The following TRAPPC9 variants were observed in gnomAD, a reference collection of about 807,000 sequenced individuals.
The protein encoded by TRAPPC9 is trafficking protein particle complex subunit 9, also known as IKK2 binding protein.
TRAPPC9 carries 83 observed loss-of-function variants against 124.0 expected under a neutral mutation model. The observed-to-expected ratio is 0.67, with a 90% CI of 0.56 to 0.80. TRAPPC9 has a LOEUF of 0.80. TRAPPC9 is among the 30% of genes least tolerant of loss of function. TRAPPC9 has a pLI of 0.00. For synonymous variants in TRAPPC9, 638 were observed against 617.5 expected, an observed-to-expected ratio of 1.03 and a Z score of -0.49; for missense variants, 1,302 against 1,508.3, an observed-to-expected ratio of 0.86 and a Z score of 2.27.
intron 21 of TRAPPC9, among the ~76,000 whole-genome samples, chr8:139,844,953 C>T (rs917578880): frequency 6.6e-6 from 1 of 152,104 alleles, no homozygotes; most frequent in East Asian, 1.9e-4. Flanking sequence ...TGGCACATCC[C>T]GTGTCAGCAG....
chr8:140,034,501 C>G (rs912140000), intron 17 of TRAPPC9, among the ~76,000 whole-genome samples: 10 of 152,198 alleles, frequency 6.6e-5, no homozygotes, highest in African/African-American at 2.4e-5. Context: ...TCTGACTTAC[C>G]ACGCTGCAGC....
At chr8:140,458,137 A>T, upstream of TRAPPC9, 1 of 1,427,656 alleles carries the variant, frequency 7.0e-7, no homozygotes, top group Non-Finnish European at 9.4e-7. Flanking sequence ...AGGGAGGAAG[A>T]GGAGGAGGGA....
intron 19 of TRAPPC9, chr8:139,932,342 G>C: frequency 2.2e-6 from 1 of 457,888 alleles, no homozygotes; most frequent in South Asian, 1.5e-5. Flanking sequence ...CCTTGGCCAC[G>C]GGACCTGAGC....
At chr8:139,964,687 G>T (rs1835583706) in intron 19 of TRAPPC9, among the ~76,000 whole-genome samples, 1 of 129,346 alleles carries the variant, frequency 7.7e-6, no homozygotes. Context: ...AGATGATAAA[G>T]CCTAGTTATT....
intron 17 of TRAPPC9, among the ~76,000 whole-genome samples, chr8:140,174,541 T>C (rs1037625797): frequency 6.6e-6 from 1 of 152,144 alleles, no homozygotes; most frequent in South Asian, 2.1e-4. Flanking sequence ...AAAGAAATCA[T>C]GTACCCATTA....
chr8:140,235,963 GGA>G (rs1491124629), intron 16 of TRAPPC9, among the ~76,000 whole-genome samples: 3 of 151,028 alleles, frequency 2.0e-5, no homozygotes, highest in Non-Finnish European at 2.9e-5. Flanking sequence ...GGAGGAAGAA[GGA>G]AAAAAACAAG....
At chr8:140,311,004 C>T (rs1351116361) in intron 10 of TRAPPC9, among the ~76,000 whole-genome samples, 3 of 152,074 alleles carry the variant, frequency 2.0e-5, no homozygotes, top group African/African-American at 7.2e-5. Flanking sequence ...TGGGTGCAGA[C>T]GTGACTCCGC....
At chr8:140,007,273 C>T (rs1295639927) in intron 18 of TRAPPC9, among the ~76,000 whole-genome samples, 2 of 152,186 alleles carry the variant, frequency 1.3e-5, no homozygotes, top group Non-Finnish European at 2.9e-5. Context: ...TGCAATTGTG[C>T]CTCCGGGTGA....
At chr8:140,361,262 G>A (rs191395204) in intron 8 of TRAPPC9, among the ~76,000 whole-genome samples, 27 of 152,326 alleles carry the variant, frequency 1.8e-4, no homozygotes, top group Admixed American at 1.4e-3. Context: ...GCAGGTTCTC[G>A]TGCCATTGAC....
intron 18 of TRAPPC9, among the ~76,000 whole-genome samples, chr8:140,023,399 T>C (rs2131918227): frequency 6.6e-6 from 1 of 152,324 alleles, no homozygotes; most frequent in African/African-American, 2.4e-5. Context: ...TCTTTCTCCC[T>C]GAAGGAAGAT....
chr8:140,053,310 G>A (rs994905309), intron 17 of TRAPPC9, among the ~76,000 whole-genome samples: 7 of 152,220 alleles, frequency 4.6e-5, no homozygotes, highest in African/African-American at 1.7e-4. Context: ...ACCAGGATGA[G>A]GCTGACCCAA....
intron 19 of TRAPPC9, among the ~76,000 whole-genome samples, chr8:139,956,574 A>G (rs1367040107): frequency 6.6e-6 from 1 of 152,220 alleles, no homozygotes; most frequent in African/African-American, 2.4e-5. Context: ...TGTCTCGTAC[A>G]TGGCAAATGC....
chr8:140,273,147 C>A (rs72690660), intron 15 of TRAPPC9, among the ~76,000 whole-genome samples: 1 of 152,210 alleles, frequency 6.6e-6, no homozygotes, highest in African/African-American at 2.4e-5. Context: ...GCACCGGAGC[C>A]GGGACACTCC....
chr8:139,919,489 T>C (rs150730251), intron 19 of TRAPPC9, among the ~76,000 whole-genome samples: 163 of 152,304 alleles, frequency 1.1e-3, no homozygotes, highest in African/African-American at 3.7e-3. Flanking sequence ...GTAAATTGCA[T>C]TGTGTGCAAA....
chr8:140,327,313 G>T (rs1482461543), intron 9 of TRAPPC9, among the ~76,000 whole-genome samples: 11 of 152,166 alleles, frequency 7.2e-5, no homozygotes, highest in Non-Finnish European at 1.6e-4. Flanking sequence ...TGGAAGGAAT[G>T]TAAAATAGTA....
rs183774844 is a variant in TRAPPC9, at chr8:140,257,335, C to T, written c.2279-4406G>A. Among the ~76,000 whole-genome samples the T allele has an allele frequency of 2.6e-4, 39 of 152,342 alleles. No homozygotes were observed. The highest frequency in any genetic ancestry group is 8.3e-4 in the South Asian group (4 of 4,830). The stretch of plus-strand genomic sequence containing the variant: ...GAACGCAGTTGCTGCCTCTTCTCCA[C>T]GCAGCAGTGCTGGCACTGGCCTGGG... On this transcript the variant is annotated intron_variant, in intron 15 of 22. Coordinates refer to ENST00000438773, the MANE Select transcript of TRAPPC9 (RefSeq NM_001160372.4). This position sits in a 1 kb window ranked among gnomAD's most constrained non-coding sequence, Gnocchi z 4.6.
chr8:140,054,106 G>C (rs1307706743), intron 17 of TRAPPC9, among the ~76,000 whole-genome samples: 1 of 152,188 alleles, frequency 6.6e-6, no homozygotes, highest in African/African-American at 2.4e-5. Flanking sequence ...TCACTTAAAA[G>C]TGGAAGCTAA....
At position 140,097,411 on chromosome 8, in the gene TRAPPC9, G is replaced by A. The variant is rs945247111; in HGVS notation, c.2557-73332C>T. 6.6e-6 allele frequency: 1 copy of A among 152,208 alleles called. No individual in the cohort carries two copies. The highest frequency in any genetic ancestry group is 1.5e-5 in the Non-Finnish European group (1 of 68,090). 9.4% of individuals were successfully genotyped at this position (152,208 alleles called of 1,614,324 possible). A position where few individuals can be genotyped will look rare whatever the true frequency, so the allele number is the denominator to read the frequency against. On this transcript the variant is annotated intron_variant, in intron 17 of 22. Transcript: ENST00000438773. This position sits in a 1 kb window ranked among gnomAD's most constrained non-coding sequence, Gnocchi z 4.2. ...GCCACAGTTGTGCCACAGTCCGTAG[G>A]GTAAGGACTCCCCCAGAGTAAGGAC...
chr8:140,022,466 C>T (rs1357276213), intron 18 of TRAPPC9, among the ~76,000 whole-genome samples: 2 of 152,150 alleles, frequency 1.3e-5, no homozygotes, highest in East Asian at 1.9e-4. Flanking sequence ...AACCACATAG[C>T]GGCATTTTTC....
Sources: allele counts gnomAD v4.1 joint callset (sites outside exome capture counted in the v4.1 genomes callset), GRCh38; gene constraint gnomAD v4.1.1; non-coding constraint Gnocchi (gnomAD v3.1); transcripts MANE v1.5; gene names NCBI Gene and HGNC (gene_info 2026-07-23, HGNC 2026-07-21).